The following GAL3ST3 variants were observed in gnomAD, a reference collection of about 807,000 sequenced individuals.
GAL3ST3 encodes the protein beta-galactose-3-O-sulfotransferase 3.
A neutral mutation model predicts 20.8 loss-of-function variants in GAL3ST3; 21 were observed. The observed-to-expected ratio is 1.01, with a 90% CI of 0.72 to 1.45. GAL3ST3 has a LOEUF of 1.45. Ranked by LOEUF, GAL3ST3 falls within the 40% of genes most tolerant of loss-of-function variation. The pLI is 0.00. For missense variants in GAL3ST3, 739 were observed against 662.7 expected (o/e 1.12, Z -1.26); for synonymous variants, 355 against 307.2 (o/e 1.16, Z -1.63).
chr11:66,049,144 C>T lies in GAL3ST3; in HGVS notation c.-246G>A, dbSNP rs1339098099. ...CGCCGAGTGCCGGTGGCTTGCCTCTCAGCGCCTGGATGGGATCAGGTGGCA... is the reference window on the plus strand; with the variant it reads ...CGCCGAGTGCCGGTGGCTTGCCTCTTAGCGCCTGGATGGGATCAGGTGGCA... On this transcript the variant is annotated 5_prime_UTR_variant, in exon 1 of 3. Transcript: ENST00000312006. The T allele has an allele frequency of 6.6e-6, 1 of 152,482 alleles. No individual in the cohort carries two copies. The highest frequency in any genetic ancestry group is 2.4e-5 in the African/African-American group (1 of 41,446). 9.4% of individuals were successfully genotyped at this position (152,482 alleles called of 1,614,324 possible).
Position 66,045,530 on chromosome 11 carries a change from G to T in GAL3ST3, c.-112-3C>A. On this transcript the variant is annotated splice_region_variant and splice_polypyrimidine_tract_variant and intron_variant, in intron 1 of 2. Transcript: ENST00000312006. Reference sequence around the variant, plus strand: ...CAGGGCCAGTGTTCCCGAGAAGCCTGGCAGAAGAAGGCAGACGGGTTTGCA... The same window carrying T: ...CAGGGCCAGTGTTCCCGAGAAGCCTTGCAGAAGAAGGCAGACGGGTTTGCA... 8.6e-7 allele frequency: 1 copy of T among 1,163,260 alleles called. No homozygotes were observed. Among genetic ancestry groups the T allele is most frequent in the Non-Finnish European group, 1.2e-6 (1 of 861,288 alleles). 72.1% of individuals were successfully genotyped at this position (1,163,260 alleles called of 1,614,324 possible).
At position 66,042,687 on chromosome 11, in the gene GAL3ST3, G is replaced by A. The variant is rs1565079841; in HGVS notation, c.1116C>T (p.Gly372=). ...AGGCCTCGGTGGCCGGGCCGGCGCC[G>A]CCGCCGGGCAGGTCATAGCCCATAA... ...VDIMGYDLPG[G]GAGPATEACL... The change falls in exon 3 of 3, where the codon GGC becomes GGT. Residue 372 remains glycine (G), a synonymous_variant. Transcript: ENST00000312006. The A allele has an allele frequency of 3.7e-5, 56 of 1,534,058 alleles. No homozygotes were observed. The highest frequency in any genetic ancestry group is 4.5e-5 in the Non-Finnish European group (52 of 1,145,798).
rs1455132700 is a variant in GAL3ST3 at position 66,043,011 on chromosome 11, G to A, written c.792C>T (p.Tyr264=). Residue 264 remains tyrosine, a synonymous_variant, in exon 3 of 3, where the codon TAC becomes TAT. Transcript: ENST00000312006. Reference sequence around the variant, plus strand: ...TGGCGGCGCGCGCGTTGAGCTTGGCGTAGAGCACGTCGTCCAGGTCCCAGG... The same window carrying A: ...TGGCGGCGCGCGCGTTGAGCTTGGCATAGAGCACGTCGTCCAGGTCCCAGG... ...LLAWDLDDVL[Y]AKLNARAASS... 6.8e-6 allele frequency: 11 copies of A among 1,608,196 alleles called. No homozygotes were observed. The East Asian group carries it at 1.3e-4, about 20-fold the overall frequency.
At position 66,042,988 on chromosome 11, in the gene GAL3ST3, G is replaced by C; in HGVS notation, c.815C>G (p.Ala272Gly). ...VLYAKLNARA[A>G]SSRLAAIPAA... ...GGGGATGGCGGCCAGGCGCGAGCTG[G>C]CGGCGCGCGCGTTGAGCTTGGCGTA... The change falls in exon 3 of 3, where the codon GCC (alanine) becomes GGC (glycine). Residue 272 changes from alanine (A) to glycine (G), a missense_variant. Transcript: ENST00000312006. 6.3e-7 allele frequency: 1 copy of C among 1,589,446 alleles called. No homozygotes were observed.
chr11:66,042,588 C>T lies in GAL3ST3; in HGVS notation c.1215G>A (p.Ala405=). 2 of 1,535,478 alleles carry T rather than the reference C, an allele frequency of 1.3e-6. No homozygotes were observed. Among genetic ancestry groups the T allele is most frequent in the Admixed American group, 2.0e-5 (1 of 50,762 alleles). The change falls in exon 3 of 3, where the codon GCG becomes GCA. Residue 405 remains alanine, a synonymous_variant. Coordinates refer to ENST00000312006, the MANE Select transcript of GAL3ST3 (RefSeq NM_033036.3). ...LLRKQKRRGG[A]RARPEPVLDN... is the part of the protein sequence containing the mutation. ...CCAGGACGGGCTCGGGCCGAGCCCG[C>T]GCACCGCCCCGGCGCTTCTGCTTGC...
chr11:66,044,831 G>A (rs1856762741), intron 2 of GAL3ST3, among the ~76,000 whole-genome samples: 1 of 152,236 alleles, frequency 6.6e-6, no homozygotes, highest in Admixed American at 6.5e-5. Flanking sequence ...GGGACATGAA[G>A]TCTCCGAGAG....
intron 1 of GAL3ST3, among the ~76,000 whole-genome samples, chr11:66,048,208 GC>G (rs1157331315): frequency 1.3e-5 from 2 of 152,172 alleles, no homozygotes; most frequent in African/African-American, 4.8e-5. Flanking sequence ...AGGTCAGGAC[GC>G]CCAGGCTCAT....
In GAL3ST3 at chr11:66,043,531, T is replaced by C; in HGVS notation, c.272A>G (p.Asn91Ser). 6.2e-7 allele frequency: 1 copy of C among 1,610,118 alleles called. No individual in the cohort carries two copies. Among genetic ancestry groups the C allele is most frequent in the Non-Finnish European group, 8.5e-7 (1 of 1,179,646 alleles). Residue 91 changes from asparagine (N) to serine (S), a missense_variant, in exon 3 of 3, where the codon AAC (asparagine) becomes AGC (serine). Coordinates refer to ENST00000312006, the MANE Select transcript of GAL3ST3 (RefSeq NM_033036.3). ...NILFRFAERH[N>S]LTVALPHPSC... Reference sequence around the variant, plus strand: ...CGGGTGCGGCAGGGCCACCGTCAGGTTGTGGCGCTCGGCAAAGCGAAACAG... The same window carrying C: ...CGGGTGCGGCAGGGCCACCGTCAGGCTGTGGCGCTCGGCAAAGCGAAACAG...
At position 66,043,385 on chromosome 11, in the gene GAL3ST3, G is replaced by A. The variant is rs1202716252; in HGVS notation, c.418C>T (p.Leu140Phe). ...LRFDRAELER[L>F]MPPSTVYVTI... ...ACATAGACGGTGCTGGGCGGCATGAGGCGCTCCAGCTCCGCACGGTCGAAG... is the reference window on the plus strand; with the variant it reads ...ACATAGACGGTGCTGGGCGGCATGAAGCGCTCCAGCTCCGCACGGTCGAAG... The change falls in exon 3 of 3, where the codon CTC becomes TTC. Residue 140 changes from leucine to phenylalanine, a missense_variant. Physicochemically the swap from Leu to Phe is conservative, Grantham distance 22. Transcript: ENST00000312006. 4 of 1,610,120 alleles carry A rather than the reference G, an allele frequency of 2.5e-6. No individual in the cohort carries two copies. The highest frequency in any genetic ancestry group is 3.4e-6 in the Non-Finnish European group (4 of 1,178,596).
chr11:66,044,246 G>T (rs2135020768), intron 2 of GAL3ST3, among the ~76,000 whole-genome samples: 1 of 152,316 alleles, frequency 6.6e-6, no homozygotes, highest in South Asian at 2.1e-4. Flanking sequence ...GCAACCCCAT[G>T]AAAGACCTTG....
At position 66,043,440 on chromosome 11, in the gene GAL3ST3, C is replaced by T; in HGVS notation, c.363G>A (p.Arg121=). The T allele has an allele frequency of 1.2e-6, 2 of 1,609,024 alleles. No individual in the cohort carries two copies. The highest frequency in any genetic ancestry group is 1.7e-6 in the Non-Finnish European group (2 of 1,178,150). ...FSAHFVHPAT[R]PPHVLASHLR... Reference sequence around the variant, plus strand: ...GGTGGCTGGCCAGCACGTGCGGCGGCCGCGTGGCCGGGTGCACGAAGTGCG... The same window carrying T: ...GGTGGCTGGCCAGCACGTGCGGCGGTCGCGTGGCCGGGTGCACGAAGTGCG... The change falls in exon 3 of 3, where the codon CGG becomes CGA. Residue 121 remains arginine, a synonymous_variant. Transcript: ENST00000312006.
In GAL3ST3 at chr11:66,042,645, C is replaced by T; in HGVS notation, c.1158G>A (p.Met386Ile). The change falls in exon 3 of 3, where the codon ATG becomes ATA. Residue 386 changes from methionine (M) to isoleucine (I), a missense_variant. By Grantham distance (10) the Met-to-Ile change is conservative. Coordinates refer to ENST00000312006, the MANE Select transcript of GAL3ST3 (RefSeq NM_033036.3). ...GGTAGTTCGAGTACTGGACCTCGGG[C>T]ATGGCCAGCTTGAGGCAGGCCTCGG... is the stretch of plus-strand genomic sequence containing the variant. Reference protein sequence around the residue: ...PATEACLKLAMPEVQYSNYLL... With the variant: ...PATEACLKLAIPEVQYSNYLL... 6.5e-7 allele frequency: 1 copy of T among 1,535,704 alleles called. No individual in the cohort carries two copies. The highest frequency in any genetic ancestry group is 8.7e-7 in the Non-Finnish European group (1 of 1,146,604).
intron 1 of GAL3ST3, among the ~76,000 whole-genome samples, chr11:66,047,581 C>G (rs902216698): frequency 6.6e-6 from 1 of 152,194 alleles, no homozygotes; most frequent in African/African-American, 2.4e-5. Context: ...ATCCTCAGTG[C>G]AGGAATTCCC....
In GAL3ST3 at chr11:66,043,509, G is replaced by A; in HGVS notation, c.294C>T (p.His98=). The part of the protein sequence containing the change: ...ERHNLTVALP[H]PSCEHQFCYP... ...AGCAGAACTGGTGCTCGCAGCTCGG[G>A]TGCGGCAGGGCCACCGTCAGGTTGT... The change falls in exon 3 of 3, where the codon CAC becomes CAT. Residue 98 remains histidine (H), a synonymous_variant. Transcript: ENST00000312006. 1 of 1,610,578 alleles carries A rather than the reference G, an allele frequency of 6.2e-7. No homozygotes were observed. Among genetic ancestry groups the A allele is most frequent in the Non-Finnish European group, 8.5e-7 (1 of 1,179,428 alleles).
chr11:66,044,191 A>G (rs1309847157), intron 2 of GAL3ST3, among the ~76,000 whole-genome samples: 2 of 152,184 alleles, frequency 1.3e-5, no homozygotes, highest in African/African-American at 2.4e-5. Flanking sequence ...ATCCCTTCCA[A>G]TCAAGCCTTC....
chr11:66,044,351 T>C (rs1364213003), intron 2 of GAL3ST3, among the ~76,000 whole-genome samples: 1 of 152,226 alleles, frequency 6.6e-6, no homozygotes, highest in Non-Finnish European at 1.5e-5. Flanking sequence ...AATTTGTTTA[T>C]GTAGAAATAA....
At position 66,042,088 on chromosome 11, in the gene GAL3ST3, A is replaced by T. The variant is rs114531991; in HGVS notation, c.*419T>A. The T allele has an allele frequency of 5.3e-4, 86 of 162,490 alleles. No homozygotes were observed. The highest frequency in any genetic ancestry group is 2.0e-3 in the African/African-American group (84 of 41,946). 10.1% of individuals were successfully genotyped at this position (162,490 alleles called of 1,614,324 possible). ...TAGAACCTGGAAGACAGAAAAGTAT[A>T]GGGAGCCTCAAGCCCTGGGAGGGAG... On this transcript the variant is annotated 3_prime_UTR_variant, in exon 3 of 3. Transcript: ENST00000312006.
chr11:66,042,472 AG>A lies in GAL3ST3; in HGVS notation c.*34del. The A allele has an allele frequency of 7.1e-7, 1 of 1,400,876 alleles. No homozygotes were observed. Among genetic ancestry groups the A allele is most frequent in the Middle Eastern group, 2.5e-4 (1 of 4,036 alleles). The allele number at this position is 1,400,876 out of a possible 1,614,324, so 86.8% of individuals were successfully genotyped here. A position where few individuals can be genotyped will look rare whatever the true frequency, so the allele number is the denominator to read the frequency against. On this transcript the variant is annotated 3_prime_UTR_variant, in exon 3 of 3. Transcript: ENST00000312006. Reference sequence around the variant, plus strand: ...CCCCTGGCTGGACTCCTGGGAGGGCAGGGCAGGACCCATACTCCTGGAGGCC... The same window carrying A: ...CCCCTGGCTGGACTCCTGGGAGGGCAGGCAGGACCCATACTCCTGGAGGCC...
intron 1 of GAL3ST3, among the ~76,000 whole-genome samples, chr11:66,046,041 A>G (rs1856780217): frequency 6.6e-6 from 1 of 152,126 alleles, no homozygotes; most frequent in Non-Finnish European, 1.5e-5. Flanking sequence ...GGCTTACTCT[A>G]TGTACTGTAT....
Sources: allele counts gnomAD v4.1 joint callset (sites outside exome capture counted in the v4.1 genomes callset), GRCh38; gene constraint gnomAD v4.1.1; transcripts MANE v1.5; gene names NCBI Gene and HGNC (gene_info 2026-07-23, HGNC 2026-07-21).